The following GLB1L3 variants were observed in gnomAD, a reference collection of about 807,000 sequenced individuals.
GLB1L3 encodes the protein beta-galactosidase-1-like protein 3.
Under a neutral mutation model 89.5 loss-of-function variants are expected in GLB1L3, and 89 were observed. That is an observed-to-expected ratio of 0.99 (90% CI 0.84 to 1.19). The LOEUF (loss-of-function observed/expected upper bound fraction) is 1.19, where lower values mean the gene tolerates loss of function less well. GLB1L3 is among the 50% of genes most tolerant of loss of function. The probability of loss-of-function intolerance (pLI) is 0.00; values close to 1 mark genes in which losing one functional copy is unlikely to be tolerated. For synonymous variants in GLB1L3, 314 were observed against 312.3 expected (o/e 1.01, Z -0.06); for missense variants, 812 against 813.3 (o/e 1.00, Z 0.02).
At chr11:134,285,085 T>C (rs1160919350) in intron 6 of GLB1L3, among the ~76,000 whole-genome samples, 7 of 151,724 alleles carry the variant, frequency 4.6e-5, no homozygotes, top group African/African-American at 1.7e-4. Flanking sequence ...CCCACCACCA[T>C]GCCCGGCTAA....
At chr11:134,293,696 C>T (rs1397566034) in intron 9 of GLB1L3, among the ~76,000 whole-genome samples, 7 of 150,992 alleles carry the variant, frequency 4.6e-5, no homozygotes, top group Admixed American at 4.6e-4. Context: ...CAAGCCACAG[C>T]CCAGCCTCCA....
chr11:134,304,973 A>G (rs965864938), intron 9 of GLB1L3: 4 of 628,642 alleles, frequency 6.4e-6, no homozygotes, highest in Non-Finnish European at 9.7e-6. Flanking sequence ...ACTCAAGAGA[A>G]GTTGCTGTGA....
Position 134,310,600 on chromosome 11 carries a change from G to T in GLB1L3, c.1129G>T (p.Asp377Tyr), listed in dbSNP as rs1344184529. ...TGATGCAGTGCTCACGGAGGCTGGA[G>T]ATTACACAGAAAAATATCTGAAGCT... The part of the protein sequence containing the change: ...DYDAVLTEAG[D>Y]YTEKYLKLQK... Residue 377 changes from aspartate to tyrosine, a missense_variant, in exon 12 of 20, where the codon GAT (aspartate) becomes TAT (tyrosine). Asp to Tyr is a radical substitution (Grantham distance 160). Around this residue, in one of 3 missense-constraint regions of GLB1L3, gnomAD observed 618 missense variants for 604.0 expected, o/e 1.02. Coordinates refer to ENST00000431683, the MANE Select transcript of GLB1L3 (RefSeq NM_001080407.3). 6.2e-7 allele frequency: 1 copy of T among 1,613,516 alleles called. No homozygotes were observed. The highest frequency in any genetic ancestry group is 1.7e-5 in the Admixed American group (1 of 59,994).
chr11:134,303,302 A>G (rs918324965), intron 9 of GLB1L3, among the ~76,000 whole-genome samples: 1 of 152,184 alleles, frequency 6.6e-6, no homozygotes, highest in Non-Finnish European at 1.5e-5. Context: ...GTCTGACACA[A>G]TTAAACTTTT....
chr11:134,309,883 T>A (rs1300596599), intron 11 of GLB1L3, 120 bp downstream of exon 11: 1 of 1,108,738 alleles, frequency 9.0e-7, no homozygotes, highest in South Asian at 1.6e-5. Flanking sequence ...TGCTGAGTAC[T>A]GAAGATTTTC....
Position 134,277,697 on chromosome 11 carries a change from C to G in GLB1L3, c.150-3C>G. On this transcript the variant is annotated splice_polypyrimidine_tract_variant and splice_region_variant and intron_variant, in intron 2 of 19. Transcript: ENST00000431683. ...CTTTCTTTCCCTCGCCCGCCCCCTC[C>G]AGGTTTAATTGGTCTCATCTGACCC... The G allele has an allele frequency of 6.2e-7, 1 of 1,603,442 alleles. No homozygotes were observed. The highest frequency in any genetic ancestry group is 8.5e-7 in the Non-Finnish European group (1 of 1,174,740).
downstream of GLB1L3, among the ~76,000 whole-genome samples, chr11:134,321,926 A>G (rs1943174103): frequency 6.6e-6 from 1 of 152,040 alleles, no homozygotes; most frequent in South Asian, 2.1e-4. Context: ...AATAAAAAAA[A>G]AAGTACAAGT....
chr11:134,287,115 G>C (rs957743889), intron 6 of GLB1L3: 4 of 152,158 alleles, frequency 2.6e-5, no homozygotes, highest in African/African-American at 7.2e-5. Flanking sequence ...GAGCCAAGAT[G>C]GCGCCACCGC....
At chr11:134,310,980 G>A (rs11223753) in intron 12 of GLB1L3, 84 bp from the exon 13 acceptor site, 95,431 of 921,466 alleles carry the variant, frequency 0.1, 5,700 homozygotes, top group Admixed American at 0.22. Flanking sequence ...GAAAGGAAAA[G>A]CCATGCTGGA....
At chr11:134,306,779 G>A (rs1942224494) in intron 9 of GLB1L3, among the ~76,000 whole-genome samples, 1 of 152,288 alleles carries the variant, frequency 6.6e-6, no homozygotes, top group Non-Finnish European at 1.5e-5. Flanking sequence ...TGGCATCTGA[G>A]TTTCTACATA....
chr11:134,291,816 GA>G (rs895858326), intron 7 of GLB1L3, among the ~76,000 whole-genome samples: 143 of 151,426 alleles, frequency 9.4e-4, no homozygotes, highest in African/African-American at 3.2e-3. Flanking sequence ...TTCTACTAAA[GA>G]AAAAAAAATT....
intron 18 of GLB1L3, among the ~76,000 whole-genome samples, chr11:134,318,068 A>C (rs1036272738): frequency 2.0e-5 from 3 of 152,248 alleles, no homozygotes; most frequent in Non-Finnish European, 2.9e-5. Context: ...TATATGTAGC[A>C]TATAACTACT....
At chr11:134,320,162 T>C (rs1256602228), downstream of GLB1L3, among the ~76,000 whole-genome samples, 2 of 152,182 alleles carry the variant, frequency 1.3e-5, no homozygotes, top group Non-Finnish European at 2.9e-5. Context: ...GCAAATCTTA[T>C]CACCCTGTTA....
Position 134,310,145 on chromosome 11 carries a change from G to A in GLB1L3, c.1099+382G>A, listed in dbSNP as rs201708148. ...GGTGTCCACTCTTTTGGCTTCCCTG[G>A]GCCACACTGGAAGAAGAAGAATTGT... is the stretch of plus-strand genomic sequence containing the variant. On this transcript the variant is annotated intron_variant, in intron 11 of 19. Coordinates refer to ENST00000431683, the MANE Select transcript of GLB1L3 (RefSeq NM_001080407.3). 22 of 381,394 alleles carry A rather than the reference G, an allele frequency of 5.8e-5. No individual in the cohort carries two copies. The East Asian group carries it at 1.2e-3, about 20-fold the overall frequency. 23.6% of individuals were successfully genotyped at this position (381,394 alleles called of 1,614,324 possible).
intron 13 of GLB1L3, chr11:134,311,501 T>G (rs1591587986): frequency 4.9e-6 from 1 of 202,894 alleles, no homozygotes; most frequent in East Asian, 1.3e-4. Flanking sequence ...GGAGACTAGC[T>G]TCTGCCCGTG....
intron 14 of GLB1L3, 115 bp from the exon 15 acceptor site, chr11:134,312,701 G>T: frequency 1.0e-6 from 1 of 966,918 alleles, no homozygotes; most frequent in South Asian, 1.5e-5. Context: ...TGCCATCAGT[G>T]AGCACCACAG....
At chr11:134,296,932 G>A (rs1321461120) in intron 9 of GLB1L3, among the ~76,000 whole-genome samples, 1 of 151,808 alleles carries the variant, frequency 6.6e-6, no homozygotes. Context: ...ATCAGGTCAA[G>A]CTAATTGATG....
intron 2 of GLB1L3, 56 bp downstream of exon 2, chr11:134,277,507 G>C: frequency 1.9e-6 from 3 of 1,596,614 alleles, no homozygotes; most frequent in Non-Finnish European, 2.6e-6. Context: ...TCCTTTCTTG[G>C]AGAAAATAGT....
intron 9 of GLB1L3, among the ~76,000 whole-genome samples, chr11:134,297,606 A>G (rs1249838959): frequency 2.6e-5 from 4 of 152,126 alleles, no homozygotes; most frequent in Non-Finnish European, 5.9e-5. Context: ...CACGCCTGTA[A>G]TCCCAGCACT....
Sources: gnomAD v4.1 joint callset for allele counts (sites outside exome capture counted in the v4.1 genomes callset) on GRCh38, gnomAD v4.1.1 for gene constraint, gnomAD v4.1.1 regional missense constraint, MANE v1.5 for transcripts, NCBI Gene and HGNC (gene_info 2026-07-23, HGNC 2026-07-21) for gene names.